ME2: variants seen among roughly 807,000 people sequenced by gnomAD.
ME2 encodes the protein NAD-dependent malic enzyme, mitochondrial.
ME2 carries 60 observed loss-of-function variants against 73.7 expected under a neutral mutation model. The ratio of observed to expected loss-of-function variants is 0.81; its 90% confidence interval spans 0.66 to 1.01. The LOEUF (loss-of-function observed/expected upper bound fraction) is 1.01, where lower values mean the gene tolerates loss of function less well. Among genes scored for constraint, ME2 ranks in the 50% least tolerant of loss-of-function variants. ME2 has a pLI of 0.00. For missense variants in ME2, 594 were observed against 705.5 expected (o/e 0.84, Z 1.79); for synonymous variants, 199 against 236.9 (o/e 0.84, Z 1.47).
chr18:50,918,960 A>G (rs1160749500), intron 7 of ME2, among the ~76,000 whole-genome samples: 4 of 152,112 alleles, frequency 2.6e-5, no homozygotes, highest in Admixed American at 1.3e-4. Context: ...CAAACAACCT[A>G]TCTTCTGTAT....
At position 50,917,486 on chromosome 18, in the gene ME2, T is replaced by C. The variant is rs764401411; in HGVS notation, c.608T>C (p.Ile203Thr). Residue 203 changes from isoleucine to threonine, a missense_variant, in exon 6 of 16, where the codon ATT (isoleucine) becomes ACT (threonine). Physicochemically the swap from Ile to Thr is moderately conservative, Grantham distance 89. Coordinates refer to ENST00000321341, the MANE Select transcript of ME2 (RefSeq NM_002396.5). ...IRPDRCLPVC[I>T]DVGTDNIALL... ...CCTGATAGATGCCTGCCAGTGTGTA[T>C]TGATGTGGGAACTGATAATATCGTG... The C allele has an allele frequency of 4.4e-5, 71 of 1,611,014 alleles. No homozygotes were observed. Among genetic ancestry groups the C allele is most frequent in the Admixed American group, 6.7e-5 (4 of 59,960 alleles).
intron 12 of ME2, among the ~76,000 whole-genome samples, chr18:50,928,566 G>A (rs1191048068): frequency 2.0e-5 from 3 of 152,132 alleles, no homozygotes; most frequent in Non-Finnish European, 4.4e-5. Flanking sequence ...TTGAGTGATG[G>A]ATAGTGTAGA....
chr18:50,927,203 G>C (rs773761879), intron 12 of ME2, among the ~76,000 whole-genome samples: 1 of 151,948 alleles, frequency 6.6e-6, no homozygotes, highest in Non-Finnish European at 1.5e-5. Context: ...ATATTGTTGT[G>C]GTAAGTGATC....
rs769483854 is a variant in ME2, at chr18:50,920,551, A to G, written c.830A>G (p.Asn277Ser). The change falls in exon 8 of 16, where the codon AAT (asparagine) becomes AGT (serine). Residue 277 changes from asparagine to serine, a missense_variant. Asn to Ser is a conservative substitution (Grantham distance 46). Coordinates refer to ENST00000321341, the MANE Select transcript of ME2 (RefSeq NM_002396.5). ...TACCGAGAAAAATATTGTACTTTCA[A>G]TGATGATATTCAAGGTAAAGCAAAA... The part of the protein sequence containing the change: ...RKYREKYCTF[N>S]DDIQGTAAVA... The G allele has an allele frequency of 3.1e-6, 5 of 1,589,612 alleles. No homozygotes were observed. In the African/African-American group the frequency reaches 4.1e-5, roughly 13 times the overall value.
At chr18:50,941,344 T>G in intron 15 of ME2, among the ~76,000 whole-genome samples, 2 of 139,950 alleles carry the variant, frequency 1.4e-5, no homozygotes, top group Admixed American at 7.7e-5. Flanking sequence ...TGTGTATTTG[T>G]GATGGTTTCT....
intron 3 of ME2, among the ~76,000 whole-genome samples, chr18:50,912,055 G>A (rs1156630903): frequency 6.6e-6 from 1 of 152,084 alleles, no homozygotes; most frequent in Non-Finnish European, 1.5e-5. Flanking sequence ...TTATAGGATT[G>A]GTGTTGGGGA....
At chr18:50,903,728 C>T (rs1916944991) in intron 2 of ME2, among the ~76,000 whole-genome samples, 1 of 152,190 alleles carries the variant, frequency 6.6e-6, no homozygotes, top group Non-Finnish European at 1.5e-5. Flanking sequence ...GGATTACAGG[C>T]ATGAACCACT....
chr18:50,882,974 T>A (rs1916360156), intron 1 of ME2, among the ~76,000 whole-genome samples: 1 of 152,086 alleles, frequency 6.6e-6, no homozygotes, highest in African/African-American at 2.4e-5. Flanking sequence ...ACAAAAAAAC[T>A]ACTGCAATCT....
chr18:50,906,469 C>T (rs1033193165), intron 2 of ME2, among the ~76,000 whole-genome samples: 2 of 152,124 alleles, frequency 1.3e-5, no homozygotes, highest in South Asian at 2.1e-4. Flanking sequence ...CATGCCACCA[C>T]GCCCGGCTAA....
In ME2 at chr18:50,925,871, G is replaced by A. The variant is rs201842180; in HGVS notation, c.1287G>A (p.Thr429=). The A allele has an allele frequency of 6.2e-6, 10 of 1,610,094 alleles. No homozygotes were observed. The highest frequency in any genetic ancestry group is 4.5e-5 in the East Asian group (2 of 44,836). Residue 429 remains threonine (T), a synonymous_variant, in exon 12 of 16, where the codon ACG becomes ACA. Transcript: ENST00000321341. ...LSNPTAQAEC[T]AEEAYTLTEG... Reference sequence around the variant, plus strand: ...ATCCTACAGCACAGGCAGAGTGCACGGCTGAAGAAGCATATACACTTACAG... The same window carrying A: ...ATCCTACAGCACAGGCAGAGTGCACAGCTGAAGAAGCATATACACTTACAG...
rs556931100 is a variant in ME2, at chr18:50,904,168, A to G, written c.109-3895A>G. Among the ~76,000 whole-genome samples, 28 of 152,098 alleles carry G rather than the reference A, an allele frequency of 1.8e-4. No individual in the cohort carries two copies. In the East Asian group the frequency reaches 5.4e-3, roughly 29 times the overall value. On this transcript the variant is annotated intron_variant, in intron 2 of 15. Transcript: ENST00000321341. ...TGTCTATTGTTAGTATAGCCACTCT[A>G]GCTCTCTTTTGGTTACAATTTGTGT... is the stretch of plus-strand genomic sequence containing the variant.
At chr18:50,899,887 C>T (rs1916845766) in intron 2 of ME2, among the ~76,000 whole-genome samples, 1 of 152,228 alleles carries the variant, frequency 6.6e-6, no homozygotes, top group African/African-American at 2.4e-5. Flanking sequence ...AGCCTCAGTA[C>T]ATGCTGGGTA....
intron 12 of ME2, among the ~76,000 whole-genome samples, chr18:50,926,471 A>C (rs2144247318): frequency 6.6e-6 from 1 of 152,340 alleles, no homozygotes; most frequent in East Asian, 1.9e-4. Context: ...ACTATGGCGG[A>C]CATATGCGTG....
In ME2 at chr18:50,947,281, T is replaced by G. The variant is rs1399999784; in HGVS notation, c.*97T>G. The G allele has an allele frequency of 4.6e-6, 6 of 1,292,814 alleles. No homozygotes were observed. The highest frequency in any genetic ancestry group is 3.0e-5 in the African/African-American group (2 of 67,126). The allele number at this position is 1,292,814 out of a possible 1,614,324, so 80.1% of individuals were successfully genotyped here. ...TCAGTTTTATGGTGTTTTCTGTGTT[T>G]TGTTCTCCCTGACCACTTTGGTTGA... On this transcript the variant is annotated 3_prime_UTR_variant, in exon 16 of 16. Coordinates refer to ENST00000321341, the MANE Select transcript of ME2 (RefSeq NM_002396.5).
At chr18:50,911,139 T>G (rs147538932) in intron 3 of ME2, among the ~76,000 whole-genome samples, 13 of 152,318 alleles carry the variant, frequency 8.5e-5, no homozygotes, top group Admixed American at 4.6e-4. Context: ...ATCCATGACT[T>G]GTAGAGCTTC....
intron 15 of ME2, among the ~76,000 whole-genome samples, chr18:50,941,696 T>TTG (rs1555679217): frequency 6.7e-6 from 1 of 150,214 alleles, no homozygotes; most frequent in Admixed American, 6.6e-5. Flanking sequence ...TTTTTTTTTT[T>TTG]GGGATAAATT....
intron 1 of ME2, among the ~76,000 whole-genome samples, chr18:50,882,128 A>G (rs1916339754): frequency 6.6e-6 from 1 of 152,196 alleles, no homozygotes; most frequent in Non-Finnish European, 1.5e-5. Context: ...CCTCTGAAGT[A>G]GCCAGGACTG....
In ME2 at chr18:50,912,929, G is replaced by A; in HGVS notation, c.371G>A (p.Gly124Glu). Reference sequence around the variant, plus strand: ...GTTGGTCTTGCCTGCTCCCAGTATGGACACATCTTTAGAAGACCTAAGTAA... The same window carrying A: ...GTTGGTCTTGCCTGCTCCCAGTATGAACACATCTTTAGAAGACCTAAGTAA... ...PTVGLACSQY[G>E]HIFRRPKGLF... is the part of the protein sequence containing the mutation. Residue 124 changes from glycine to glutamate, a missense_variant, in exon 4 of 16, where the codon GGA (glycine) becomes GAA (glutamate). Coordinates refer to ENST00000321341, the MANE Select transcript of ME2 (RefSeq NM_002396.5). 1 of 1,604,102 alleles carries A rather than the reference G, an allele frequency of 6.2e-7. No individual in the cohort carries two copies. Among genetic ancestry groups the A allele is most frequent in the Non-Finnish European group, 8.5e-7 (1 of 1,177,114 alleles).
rs149292826 is a variant in ME2, at chr18:50,884,697, A to G, written c.-13+5389A>G. Among the ~76,000 whole-genome samples, 266 of 152,272 alleles carry G rather than the reference A, an allele frequency of 1.7e-3. 1 individual carries two copies. The highest frequency in any genetic ancestry group is 6.1e-3 in the African/African-American group (252 of 41,566). On this transcript the variant is annotated intron_variant, in intron 1 of 15. Coordinates refer to ENST00000321341, the MANE Select transcript of ME2 (RefSeq NM_002396.5). ...ATTTTAACTAGGAGTTGAAAATAGAAGATTTCGTATATCAGCAACCTGATC... is the reference window on the plus strand; with the variant it reads ...ATTTTAACTAGGAGTTGAAAATAGAGGATTTCGTATATCAGCAACCTGATC...
Sources: gnomAD v4.1 joint callset for allele counts (sites outside exome capture counted in the v4.1 genomes callset) on GRCh38, gnomAD v4.1.1 for gene constraint, MANE v1.5 for transcripts, NCBI Gene and HGNC (gene_info 2026-07-23, HGNC 2026-07-21) for gene names.